The following RHEB variants were observed in gnomAD, a reference collection of about 807,000 sequenced individuals.
The protein encoded by RHEB is GTP-binding protein Rheb.
In RHEB, 2 loss-of-function variants were observed where a neutral mutation model predicts 28.8. The ratio of observed to expected loss-of-function variants is 0.07; its 90% confidence interval spans 0.03 to 0.22. The LOEUF is 0.22. RHEB is among the 10% of genes least tolerant of loss of function. The pLI, the probability that RHEB is intolerant of heterozygous loss-of-function variation, is 1.00. For synonymous variants in RHEB, 69 were observed against 77.3 expected (o/e 0.89, Z 0.56); for missense variants, 76 against 219.9 (o/e 0.35, Z 4.14).
At chr7:151,479,557 C>T (rs375169804) in intron 3 of RHEB, among the ~76,000 whole-genome samples, 3 of 151,910 alleles carry the variant, frequency 2.0e-5, no homozygotes, top group Non-Finnish European at 4.4e-5. Flanking sequence ...GTGGCGGGCG[C>T]CTGTAGTCCC....
chr7:151,479,563 G>A (rs558071066), intron 3 of RHEB, among the ~76,000 whole-genome samples: 2 of 151,784 alleles, frequency 1.3e-5, no homozygotes, highest in Admixed American at 6.6e-5. Context: ...GGCGCCTGTA[G>A]TCCCAGCTAC....
intron 7 of RHEB, chr7:151,470,339 TTC>T (rs1407862777): frequency 1.2e-5 from 4 of 337,068 alleles, no homozygotes; most frequent in African/African-American, 6.4e-5. Flanking sequence ...TACTAATAGT[TTC>T]TGTTTATCCT....
At chr7:151,469,114 C>T (rs904717280) in intron 7 of RHEB, among the ~76,000 whole-genome samples, 9 of 152,142 alleles carry the variant, frequency 5.9e-5, no homozygotes, top group African/African-American at 1.9e-4. Flanking sequence ...GAGCTGACTT[C>T]GATAAATCCC....
intron 4 of RHEB, among the ~76,000 whole-genome samples, chr7:151,475,274 TA>T (rs957647223): frequency 6.6e-6 from 1 of 152,076 alleles, no homozygotes; most frequent in Admixed American, 6.6e-5. Flanking sequence ...AAAAGAGACT[TA>T]AAAAAAATCA....
chr7:151,496,745 G>A (rs1802678633), intron 1 of RHEB, among the ~76,000 whole-genome samples: 1 of 151,946 alleles, frequency 6.6e-6, no homozygotes, highest in Admixed American at 6.6e-5. Context: ...CTTCTGTAGG[G>A]CCCTTCAACA....
intron 4 of RHEB, among the ~76,000 whole-genome samples, chr7:151,475,862 T>C (rs1802262405): frequency 6.6e-6 from 1 of 151,904 alleles, no homozygotes; most frequent in Non-Finnish European, 1.5e-5. Context: ...ACATGGAAAA[T>C]ATAAACCATA....
chr7:151,518,504 G>T (rs969415044), intron 1 of RHEB, among the ~76,000 whole-genome samples: 8 of 151,996 alleles, frequency 5.3e-5, no homozygotes, highest in African/African-American at 1.9e-4. Context: ...AATTTCTCCA[G>T]GCTTCCGGAT....
intron 1 of RHEB, among the ~76,000 whole-genome samples, chr7:151,491,841 G>C (rs557914130): frequency 1.3e-5 from 2 of 152,306 alleles, no homozygotes; most frequent in South Asian, 2.1e-4. Context: ...AGGCCTAGCA[G>C]TATCTAGAAA....
chr7:151,489,271 A>C (rs1041885875), intron 2 of RHEB, among the ~76,000 whole-genome samples: 1 of 152,234 alleles, frequency 6.6e-6, no homozygotes, highest in Non-Finnish European at 1.5e-5. Context: ...AAGGTCCAAG[A>C]TGATGATTTT....
At chr7:151,494,727 G>A (rs1802645064) in intron 1 of RHEB, among the ~76,000 whole-genome samples, 2 of 152,220 alleles carry the variant, frequency 1.3e-5, no homozygotes, top group African/African-American at 4.8e-5. Context: ...TGGCACTGGA[G>A]AAAAACTACG....
rs972869620 is a variant in RHEB at position 151,472,867 on chromosome 7, G to C, written c.276-1262C>G. On this transcript the variant is annotated intron_variant, in intron 4 of 7. Coordinates refer to ENST00000262187, the MANE Select transcript of RHEB (RefSeq NM_005614.4). The surrounding 1 kb of genome is among the most constrained non-coding windows in gnomAD (Gnocchi z 5.2). Reference sequence around the variant, plus strand: ...TTTAACCCCCCTACAAGCTCGCTGTGGGTCAACAAATGGGATATGGGTGTC... The same window carrying C: ...TTTAACCCCCCTACAAGCTCGCTGTCGGTCAACAAATGGGATATGGGTGTC... 6.6e-6 allele frequency among the ~76,000 whole-genome samples: 1 copy of C among 152,228 alleles called. No homozygotes were observed. The highest frequency in any genetic ancestry group is 1.5e-5 in the Non-Finnish European group (1 of 68,046).
At chr7:151,475,451 T>C (rs1440185162) in intron 4 of RHEB, among the ~76,000 whole-genome samples, 1 of 152,228 alleles carries the variant, frequency 6.6e-6, no homozygotes, top group Non-Finnish European at 1.5e-5. Context: ...AGTAAAATAA[T>C]GGAAATTCAT....
chr7:151,497,885 G>A (rs1347642354), intron 1 of RHEB, among the ~76,000 whole-genome samples: 1 of 152,160 alleles, frequency 6.6e-6, no homozygotes, highest in East Asian at 1.9e-4. Context: ...TTCATTCCAT[G>A]TGGCTTGTTA....
chr7:151,482,626 T>C (rs969681714), intron 3 of RHEB, among the ~76,000 whole-genome samples: 5 of 152,170 alleles, frequency 3.3e-5, no homozygotes, highest in African/African-American at 7.2e-5. Flanking sequence ...CAAATAAGGA[T>C]ACAAAAGCAA....
chr7:151,489,086 G>A (rs1399189238), intron 2 of RHEB, among the ~76,000 whole-genome samples: 3 of 152,076 alleles, frequency 2.0e-5, no homozygotes, highest in South Asian at 2.1e-4. Flanking sequence ...ACACCATCAC[G>A]CCCAGCTAAT....
intron 1 of RHEB, among the ~76,000 whole-genome samples, chr7:151,514,200 C>T (rs987948018): frequency 6.6e-6 from 1 of 152,132 alleles, no homozygotes; most frequent in Non-Finnish European, 1.5e-5. Flanking sequence ...CTATCCCTCC[C>T]TCACATCATA....
At chr7:151,492,553 G>GT (rs1368420860) in intron 1 of RHEB, among the ~76,000 whole-genome samples, 1 of 122,078 alleles carries the variant, frequency 8.2e-6, no homozygotes, top group African/African-American at 2.5e-5. Context: ...GGAGGCGGAG[G>GT]TTGCAGTGAG....
intron 1 of RHEB, among the ~76,000 whole-genome samples, chr7:151,491,980 G>T (rs938704916): frequency 4.6e-5 from 7 of 152,154 alleles, no homozygotes; most frequent in Non-Finnish European, 4.4e-5. Context: ...TTAGAACAGG[G>T]TACATGCCCT....
intron 2 of RHEB, among the ~76,000 whole-genome samples, chr7:151,488,367 G>A (rs1802521455): frequency 6.6e-6 from 1 of 152,166 alleles, no homozygotes; most frequent in Non-Finnish European, 1.5e-5. Context: ...CTGAGTGTTT[G>A]CTATAACAGC....
Sources: gnomAD v4.1 joint callset for allele counts (sites outside exome capture counted in the v4.1 genomes callset) on GRCh38, gnomAD v4.1.1 for gene constraint, Gnocchi (gnomAD v3.1) non-coding constraint, MANE v1.5 for transcripts, NCBI Gene and HGNC (gene_info 2026-07-23, HGNC 2026-07-21) for gene names.